OSBPL10: variants seen among roughly 807,000 people sequenced by gnomAD.
The protein encoded by OSBPL10 is oxysterol binding protein like 10.
In OSBPL10, 49 loss-of-function variants were observed where a neutral mutation model predicts 81.7. That is an observed-to-expected ratio of 0.60 (90% confidence interval 0.48 to 0.76). OSBPL10 has a LOEUF of 0.76. Among genes scored for constraint, OSBPL10 ranks in the 30% least tolerant of loss-of-function variants. OSBPL10 has a pLI of 0.00. For missense variants in OSBPL10, 923 were observed against 987.8 expected (o/e 0.93, Z 0.88); for synonymous variants, 419 against 383.6 (o/e 1.09, Z -1.08).
chr3:31,749,132 A>G (rs1559447577), intron 4 of OSBPL10, among the ~76,000 whole-genome samples: 1 of 152,180 alleles, frequency 6.6e-6, no homozygotes. Context: ...TATTTGAAGT[A>G]ACATCTCCTA....
chr3:31,900,073 TG>T (rs1264389611), intron 1 of OSBPL10, among the ~76,000 whole-genome samples: 1 of 150,946 alleles, frequency 6.6e-6, no homozygotes, highest in African/African-American at 2.4e-5. Flanking sequence ...TCACCCAGGC[TG>T]GGGTGCAGTG....
At chr3:31,718,559 G>A (rs972810465) in intron 6 of OSBPL10, among the ~76,000 whole-genome samples, 3 of 152,170 alleles carry the variant, frequency 2.0e-5, no homozygotes, top group East Asian at 1.9e-4. Flanking sequence ...TCTTCATCCC[G>A]TTTTCATAAA....
chr3:31,811,858 G>A (rs988313210), intron 4 of OSBPL10, among the ~76,000 whole-genome samples: 3 of 152,092 alleles, frequency 2.0e-5, no homozygotes, highest in East Asian at 3.9e-4. Context: ...TGGCCCATAG[G>A]TATCTCTACA....
intron 8 of OSBPL10, among the ~76,000 whole-genome samples, chr3:31,681,276 G>A (rs989310850): frequency 6.6e-6 from 1 of 152,198 alleles, no homozygotes; most frequent in Non-Finnish European, 1.5e-5. Flanking sequence ...CAACACGAAT[G>A]CTGAGTACAC....
chr3:31,868,683 T>A (rs1332379410), intron 3 of OSBPL10, among the ~76,000 whole-genome samples: 1 of 152,212 alleles, frequency 6.6e-6, no homozygotes, highest in Admixed American at 6.5e-5. Flanking sequence ...TAAGTTTCCA[T>A]CAAGTTTGAC....
At chr3:31,912,606 C>T (rs6767086) in intron 1 of OSBPL10, among the ~76,000 whole-genome samples, 48,769 of 151,942 alleles carry the variant, frequency 0.32, 8,720 homozygotes, top group African/African-American at 0.49. Context: ...ATCAACATTT[C>T]CTCTTGAAGC....
At chr3:31,720,865 G>C (rs1415413917) in intron 6 of OSBPL10, among the ~76,000 whole-genome samples, 5 of 120,300 alleles carry the variant, frequency 4.2e-5, no homozygotes, top group African/African-American at 1.6e-4. Context: ...CTGGGCAACA[G>C]AGCGAGACTC....
intron 1 of OSBPL10, among the ~76,000 whole-genome samples, chr3:31,921,213 A>G (rs1696902715): frequency 6.6e-6 from 1 of 152,252 alleles, no homozygotes; most frequent in African/African-American, 2.4e-5. Context: ...AAATATGTGT[A>G]TATATACACC....
At chr3:32,046,587 A>C (rs1699624556) in exon 2 of OSBPL10, 1 of 152,234 alleles carries the variant, frequency 6.6e-6, no homozygotes, top group African/African-American at 2.4e-5. Flanking sequence ...TAGGAAAGTG[A>C]TGAGGATGGG....
intron 1 of OSBPL10, among the ~76,000 whole-genome samples, chr3:31,955,575 C>A (rs943284908): frequency 2.9e-4 from 44 of 152,312 alleles, no homozygotes; most frequent in African/African-American, 1.0e-3. Context: ...TCGCTTCATT[C>A]TCCCAAAAGC....
chr3:31,923,892 A>T (rs1457899022), intron 1 of OSBPL10, among the ~76,000 whole-genome samples: 1 of 152,190 alleles, frequency 6.6e-6, no homozygotes, highest in Non-Finnish European at 1.5e-5. Context: ...TATTTATAAT[A>T]GCTTACTTTT....
At chr3:31,748,257 GATAAA>G in intron 4 of OSBPL10, 137 bp from the exon 5 acceptor site, 1 of 758,092 alleles carries the variant, frequency 1.3e-6, no homozygotes, top group South Asian at 1.7e-5. Context: ...TTCGTCTTTT[GATAAA>G]TACTCAATCC....
intron 3 of OSBPL10, among the ~76,000 whole-genome samples, chr3:31,875,082 T>TAAAAAAAA (rs555527834): frequency 4.9e-5 from 5 of 103,058 alleles, no homozygotes; most frequent in East Asian, 2.5e-4. Context: ...ATATATTAAG[T>TAAAAAAAA]AAAAAAAAAA....
At chr3:31,936,673 G>A (rs1697386396) in intron 1 of OSBPL10, among the ~76,000 whole-genome samples, 1 of 151,984 alleles carries the variant, frequency 6.6e-6, no homozygotes, top group Non-Finnish European at 1.5e-5. Flanking sequence ...GTAAGAAAGT[G>A]GCATTTTTTA....
At chr3:32,043,364 G>A (rs750688450) in intron 2 of OSBPL10, among the ~76,000 whole-genome samples, 20 of 152,094 alleles carry the variant, frequency 1.3e-4, no homozygotes, top group South Asian at 4.1e-4. Flanking sequence ...CTGATTTTCT[G>A]TTCTTTTTCA....
chr3:31,830,577 CT>C (rs972974958), intron 3 of OSBPL10, among the ~76,000 whole-genome samples: 43 of 152,320 alleles, frequency 2.8e-4, no homozygotes, highest in African/African-American at 9.6e-4. Context: ...CTAGAATGCC[CT>C]TCCTCTGTGG....
intron 1 of OSBPL10, among the ~76,000 whole-genome samples, chr3:31,930,734 G>A (rs1312207025): frequency 1.3e-5 from 2 of 152,116 alleles, no homozygotes; most frequent in East Asian, 1.9e-4. Context: ...AAGATAGTAG[G>A]CTGGGTGCGG....
At chr3:31,836,928 G>A (rs1700369439) in intron 3 of OSBPL10, among the ~76,000 whole-genome samples, 1 of 152,148 alleles carries the variant, frequency 6.6e-6, no homozygotes, top group South Asian at 2.1e-4. Flanking sequence ...CAATTTTAGA[G>A]CTAGATGGAA....
intron 3 of OSBPL10, among the ~76,000 whole-genome samples, chr3:31,875,655 A>G (rs1228125412): frequency 1.3e-5 from 2 of 152,216 alleles, no homozygotes; most frequent in Non-Finnish European, 1.5e-5. Context: ...CATGGCCCTG[A>G]CCCAGAAAGC....
Sources: allele counts gnomAD v4.1 joint callset (sites outside exome capture counted in the v4.1 genomes callset), GRCh38; gene constraint gnomAD v4.1.1; transcripts MANE v1.5; gene names NCBI Gene and HGNC (gene_info 2026-07-23, HGNC 2026-07-21).